Variants in PARD3B observed in about 807,000 individuals in gnomAD.
PARD3B encodes the protein par-3 family cell polarity regulator beta.
A neutral mutation model predicts 130.2 loss-of-function variants in PARD3B; 103 were observed. The observed-to-expected ratio is 0.79, with a 90% CI of 0.67 to 0.93. The LOEUF (loss-of-function observed/expected upper bound fraction) is 0.93, where lower values mean the gene tolerates loss of function less well. Among genes scored for constraint, PARD3B ranks in the 40% least tolerant of loss-of-function variants. PARD3B has a pLI of 0.00. For missense variants in PARD3B, 1,609 were observed against 1,499.2 expected, an observed-to-expected ratio of 1.07 and a Z score of -1.21; for synonymous variants, 583 against 553.2, an observed-to-expected ratio of 1.05 and a Z score of -0.76.
At position 204,600,981 on chromosome 2, in the gene PARD3B, G is replaced by T. The variant is rs924465939; in HGVS notation, c.120+54862G>T. ...ATGGATGAACTTGGGGATTTTGTTT[G>T]TCAACCCATTGGACAAGAATGGAGT... is the stretch of plus-strand genomic sequence containing the variant. On this transcript the variant is annotated intron_variant, in intron 1 of 22. Coordinates refer to ENST00000406610, the MANE Select transcript of PARD3B (RefSeq NM_001302769.2). Among the ~76,000 whole-genome samples, 8 of 151,442 alleles carry T rather than the reference G, an allele frequency of 5.3e-5. No individual in the cohort carries two copies. The South Asian group carries it at 1.3e-3, about 24-fold the overall frequency.
At chr2:204,846,462 A>G (rs1254280875) in intron 2 of PARD3B, among the ~76,000 whole-genome samples, 2 of 151,904 alleles carry the variant, frequency 1.3e-5, no homozygotes, top group Non-Finnish European at 2.9e-5. Context: ...ATTAATCCCT[A>G]ATTGTCATTG....
At chr2:204,944,390 A>G (rs55857381) in intron 2 of PARD3B, among the ~76,000 whole-genome samples, 8,678 of 152,202 alleles carry the variant, frequency 0.057, 807 homozygotes, top group African/African-American at 0.2. Context: ...TGAAAGGGCA[A>G]GGAGATGTGC....
chr2:204,742,237 A>G (rs1025496457), intron 2 of PARD3B, among the ~76,000 whole-genome samples: 1 of 152,224 alleles, frequency 6.6e-6, no homozygotes, highest in Non-Finnish European at 1.5e-5. Context: ...ACATTTTAAC[A>G]TTATACGTAT....
chr2:205,583,670 CAAATGCAACCA>C (rs2054087866), intron 22 of PARD3B, among the ~76,000 whole-genome samples: 14 of 152,158 alleles, frequency 9.2e-5, no homozygotes, highest in Admixed American at 9.2e-4. Context: ...CCAATAGTCC[CAAATGCAACCA>C]AAATGAATCA....
intron 6 of PARD3B, among the ~76,000 whole-genome samples, chr2:205,118,460 T>A (rs1274767439): frequency 6.6e-6 from 1 of 152,206 alleles, no homozygotes; most frequent in African/African-American, 2.4e-5. Flanking sequence ...TGAGCTTAAA[T>A]GTTTCTTTAC....
chr2:205,198,107 A>G (rs1252823946), intron 15 of PARD3B, among the ~76,000 whole-genome samples: 1 of 152,036 alleles, frequency 6.6e-6, no homozygotes, highest in Non-Finnish European at 1.5e-5. Flanking sequence ...TTGTTGACCT[A>G]CTCTGTAGCC....
chr2:205,037,298 ATT>A (rs1698036323), intron 3 of PARD3B, among the ~76,000 whole-genome samples: 1 of 128,550 alleles, frequency 7.8e-6, no homozygotes, highest in African/African-American at 3.0e-5. Context: ...ATAGTGGACT[ATT>A]TGTATAAAAT....
intron 2 of PARD3B, among the ~76,000 whole-genome samples, chr2:204,950,404 C>T (rs1689673107): frequency 6.6e-6 from 1 of 152,144 alleles, no homozygotes; most frequent in Non-Finnish European, 1.5e-5. Context: ...GTGGTGTGAG[C>T]CCAGATTTGG....
intron 2 of PARD3B, among the ~76,000 whole-genome samples, chr2:204,774,407 G>A (rs185800194): frequency 7.6e-4 from 116 of 152,162 alleles, no homozygotes; most frequent in Non-Finnish European, 8.2e-4. Flanking sequence ...CTGAACAGGC[G>A]TAGAAATCAC....
At chr2:205,088,728 T>C (rs948919011) in intron 4 of PARD3B, among the ~76,000 whole-genome samples, 1 of 152,118 alleles carries the variant, frequency 6.6e-6, no homozygotes, top group Non-Finnish European at 1.5e-5. Context: ...TTTGTGTCAA[T>C]AATAGAGATT....
chr2:205,393,564 T>A (rs928370820), intron 18 of PARD3B, among the ~76,000 whole-genome samples: 6 of 152,228 alleles, frequency 3.9e-5, no homozygotes, highest in African/African-American at 1.4e-4. Flanking sequence ...TTTTCAGCTC[T>A]CTTTGGATTC....
At position 204,840,177 on chromosome 2, in the gene PARD3B, A is replaced by G. The variant is rs1035467341; in HGVS notation, c.223-124975A>G. On this transcript the variant is annotated intron_variant, in intron 2 of 22. Transcript: ENST00000406610. ...TAGAAATACTTTAAATCATATAAAA[A>G]TATAGCTGAATATAAATTGAAGGGT... Among the ~76,000 whole-genome samples the G allele has an allele frequency of 2.0e-5, 3 of 152,236 alleles. No homozygotes were observed. In the South Asian group the frequency reaches 6.2e-4, roughly 31 times the overall value.
intron 15 of PARD3B, among the ~76,000 whole-genome samples, chr2:205,213,695 C>T (rs977931812): frequency 1.3e-5 from 2 of 152,130 alleles, no homozygotes; most frequent in Admixed American, 1.3e-4. Flanking sequence ...TAGCCCAGAA[C>T]ATAGCACCAT....
intron 2 of PARD3B, among the ~76,000 whole-genome samples, chr2:204,732,854 A>G (rs1434181243): frequency 6.6e-6 from 1 of 152,200 alleles, no homozygotes; most frequent in Non-Finnish European, 1.5e-5. Flanking sequence ...GATTTGATAA[A>G]AAAGAGTTTT....
intron 1 of PARD3B, among the ~76,000 whole-genome samples, chr2:204,572,512 C>A (rs937572131): frequency 1.3e-5 from 2 of 152,208 alleles, no homozygotes; most frequent in African/African-American, 4.8e-5. Context: ...GATGATAAAT[C>A]TGACCACTAG....
chr2:205,018,985 A>G (rs1362046268), intron 3 of PARD3B, among the ~76,000 whole-genome samples: 2 of 152,134 alleles, frequency 1.3e-5, no homozygotes, highest in Non-Finnish European at 2.9e-5. Context: ...TTATTGATGT[A>G]TAATTCATAA....
intron 2 of PARD3B, among the ~76,000 whole-genome samples, chr2:204,771,941 C>G (rs371235007): frequency 5.9e-5 from 9 of 152,002 alleles, no homozygotes; most frequent in African/African-American, 2.2e-4. Context: ...ATTTTATGCA[C>G]TAGTCTTTTT....
chr2:205,086,252 C>T (rs544182287), intron 4 of PARD3B, among the ~76,000 whole-genome samples: 1 of 152,276 alleles, frequency 6.6e-6, no homozygotes, highest in East Asian at 1.9e-4. Flanking sequence ...GTAAATATTA[C>T]AGAAATAATA....
intron 2 of PARD3B, among the ~76,000 whole-genome samples, chr2:204,949,970 G>T (rs1689631272): frequency 6.6e-6 from 1 of 152,034 alleles, no homozygotes; most frequent in South Asian, 2.1e-4. Flanking sequence ...AAATTAAGTT[G>T]GGTCTTAAAG....
Sources: gnomAD v4.1 joint callset for allele counts (sites outside exome capture counted in the v4.1 genomes callset) on GRCh38, gnomAD v4.1.1 for gene constraint, MANE v1.5 for transcripts, NCBI Gene and HGNC (gene_info 2026-07-23, HGNC 2026-07-21) for gene names.